Variants in TAFA1 observed in about 807,000 individuals in gnomAD.
TAFA1 encodes chemokine-like protein TAFA-1.
TAFA1 carries 4 observed loss-of-function variants against 18.5 expected under a neutral mutation model. That is an observed-to-expected ratio of 0.22 (90% CI 0.11 to 0.49). The LOEUF (loss-of-function observed/expected upper bound fraction) is 0.49. Ranked by LOEUF, TAFA1 falls within the 20% of genes least tolerant of loss-of-function variation. The probability of loss-of-function intolerance (pLI) is 0.98; values close to 1 mark genes in which losing one functional copy is unlikely to be tolerated. For missense variants in TAFA1, 147 were observed against 169.0 expected (o/e 0.87, Z 0.72); for synonymous variants, 56 against 55.2 (o/e 1.01, Z -0.06).
At chr3:68,152,192 T>G (rs1379607451) in intron 2 of TAFA1, among the ~76,000 whole-genome samples, 6 of 152,164 alleles carry the variant, frequency 3.9e-5, no homozygotes, top group Non-Finnish European at 8.8e-5. Context: ...GCCACAGCAC[T>G]GTTTCTGAAA....
intron 2 of TAFA1, among the ~76,000 whole-genome samples, chr3:68,114,974 A>G (rs989802083): frequency 6.6e-6 from 1 of 152,252 alleles, no homozygotes; most frequent in African/African-American, 2.4e-5. Flanking sequence ...ATGCTTAAAA[A>G]TAAACAAGGC....
chr3:68,450,160 T>C (rs2071548194), intron 3 of TAFA1, among the ~76,000 whole-genome samples: 1 of 152,202 alleles, frequency 6.6e-6, no homozygotes, highest in African/African-American at 2.4e-5. Context: ...GGAGACAATA[T>C]AACCATGGGA....
chr3:68,119,008 C>T (rs765752739), intron 2 of TAFA1, among the ~76,000 whole-genome samples: 1 of 151,724 alleles, frequency 6.6e-6, no homozygotes, highest in Non-Finnish European at 1.5e-5. Context: ...ACAAATGACA[C>T]AATTTTTCCA....
At chr3:68,170,441 C>G (rs2066038418) in intron 2 of TAFA1, among the ~76,000 whole-genome samples, 1 of 152,156 alleles carries the variant, frequency 6.6e-6, no homozygotes, top group Non-Finnish European at 1.5e-5. Flanking sequence ...AATGTTGCAG[C>G]TTTCTGAGGC....
intron 2 of TAFA1, among the ~76,000 whole-genome samples, chr3:68,384,078 T>G (rs746119029): frequency 7.9e-5 from 12 of 152,098 alleles, no homozygotes; most frequent in Non-Finnish European, 1.5e-4. Flanking sequence ...CTTTTCTTCT[T>G]TATTAGTCTA....
intron 2 of TAFA1, among the ~76,000 whole-genome samples, chr3:68,222,936 G>C (rs1368350928): frequency 6.6e-6 from 1 of 152,106 alleles, no homozygotes; most frequent in Non-Finnish European, 1.5e-5. Flanking sequence ...GCCTCCCAAA[G>C]TGCTAGTGCT....
At chr3:68,314,968 G>A (rs2068583617) in intron 2 of TAFA1, among the ~76,000 whole-genome samples, 1 of 147,600 alleles carries the variant, frequency 6.8e-6, no homozygotes, top group African/African-American at 2.5e-5. Context: ...TTGAATAAGA[G>A]AAAAAGAAAA....
chr3:68,436,507 G>A (rs1331703504), intron 3 of TAFA1, among the ~76,000 whole-genome samples: 1 of 152,068 alleles, frequency 6.6e-6, no homozygotes, highest in Non-Finnish European at 1.5e-5. Flanking sequence ...GGAGTAATAG[G>A]TAAAAAACTT....
At chr3:68,123,072 C>G (rs761502980) in intron 2 of TAFA1, among the ~76,000 whole-genome samples, 5 of 151,786 alleles carry the variant, frequency 3.3e-5, no homozygotes, top group Non-Finnish European at 7.4e-5. Context: ...CTTTTCCTCC[C>G]TACCCCAGAC....
intron 2 of TAFA1, among the ~76,000 whole-genome samples, chr3:68,364,531 G>A (rs575844601): frequency 5.9e-5 from 9 of 152,232 alleles, no homozygotes; most frequent in Non-Finnish European, 7.4e-5. Flanking sequence ...AGAGAAGGAT[G>A]CATTTCAAGG....
At chr3:68,434,621 A>T (rs887949241) in intron 3 of TAFA1, among the ~76,000 whole-genome samples, 1 of 152,114 alleles carries the variant, frequency 6.6e-6, no homozygotes, top group Admixed American at 6.6e-5. Flanking sequence ...GGCACAAAAC[A>T]TGTATCAGGA....
chr3:68,340,802 A>AT (rs1377786548), intron 2 of TAFA1, among the ~76,000 whole-genome samples: 4 of 152,056 alleles, frequency 2.6e-5, no homozygotes, highest in Non-Finnish European at 5.9e-5. Context: ...ACTAAATTTG[A>AT]TTTTTTTTAA....
chr3:68,244,164 C>T (rs981017575), intron 2 of TAFA1, among the ~76,000 whole-genome samples: 2 of 152,042 alleles, frequency 1.3e-5, no homozygotes, highest in Non-Finnish European at 2.9e-5. Context: ...GGTGCAAGTC[C>T]GTTGTCACAT....
At chr3:68,514,021 C>A (rs1157425289) in intron 3 of TAFA1, among the ~76,000 whole-genome samples, 1 of 152,092 alleles carries the variant, frequency 6.6e-6, no homozygotes, top group Non-Finnish European at 1.5e-5. Flanking sequence ...CTGGTGAGGG[C>A]CACTTCCCCA....
chr3:68,065,636 G>A (rs1396334888), intron 2 of TAFA1, among the ~76,000 whole-genome samples: 4 of 151,878 alleles, frequency 2.6e-5, no homozygotes, highest in African/African-American at 9.7e-5. Context: ...TGTGAGTGGA[G>A]ACATAGATGA....
upstream of TAFA1, among the ~76,000 whole-genome samples, chr3:67,999,654 T>A (rs1704262767): frequency 6.6e-6 from 1 of 152,170 alleles, no homozygotes; most frequent in South Asian, 2.1e-4. Context: ...GTTTCCTTTT[T>A]TTTTCTTCTA....
intron 2 of TAFA1, among the ~76,000 whole-genome samples, chr3:68,089,603 G>T (rs987010495): frequency 2.0e-5 from 3 of 152,104 alleles, no homozygotes; most frequent in African/African-American, 7.2e-5. Context: ...ACCTTCCAGG[G>T]AAACCCAAGC....
At chr3:68,070,968 T>G (rs2064747439) in intron 2 of TAFA1, among the ~76,000 whole-genome samples, 1 of 152,228 alleles carries the variant, frequency 6.6e-6, no homozygotes, top group Non-Finnish European at 1.5e-5. Flanking sequence ...AGTTCCAAAC[T>G]TCCCCACATT....
At chr3:68,062,389 G>T (rs1031836410) in intron 2 of TAFA1, among the ~76,000 whole-genome samples, 2 of 152,208 alleles carry the variant, frequency 1.3e-5, no homozygotes, top group East Asian at 3.9e-4. Context: ...CCACAAACAT[G>T]GTCAAATAAG....
Sources: allele counts gnomAD v4.1 joint callset (sites outside exome capture counted in the v4.1 genomes callset), GRCh38; gene constraint gnomAD v4.1.1; transcripts MANE v1.5; gene names NCBI Gene and HGNC (gene_info 2026-07-23, HGNC 2026-07-21).